CDH18: variants seen among roughly 807,000 people sequenced by gnomAD.
CDH18 encodes cadherin 18, also known as cadherin-18.
In CDH18, 31 loss-of-function variants were observed where a neutral mutation model predicts 67.9. The observed-to-expected ratio is 0.46, with a 90% CI of 0.34 to 0.62. The LOEUF is 0.62. Among genes scored for constraint, CDH18 ranks in the 20% least tolerant of loss-of-function variants. The probability of loss-of-function intolerance (pLI) is 0.01; values close to 1 mark genes in which losing one functional copy is unlikely to be tolerated. For synonymous variants in CDH18, 362 were observed against 347.2 expected (o/e 1.04, Z -0.48); for missense variants, 890 against 975.5 (o/e 0.91, Z 1.17).
chr5:19,763,276 G>T (rs1160169880), intron 3 of CDH18, among the ~76,000 whole-genome samples: 1 of 152,340 alleles, frequency 6.6e-6, no homozygotes, highest in East Asian at 1.9e-4. Context: ...GCAGTGAATA[G>T]AAGATTGTTA....
intron 1 of CDH18, among the ~76,000 whole-genome samples, chr5:20,455,709 AT>A (rs2150214192): frequency 6.6e-6 from 1 of 152,196 alleles, no homozygotes; most frequent in South Asian, 2.1e-4. Flanking sequence ...TAACTTTTTT[AT>A]ATTTATGATA....
intron 6 of CDH18, among the ~76,000 whole-genome samples, chr5:19,602,635 T>C (rs1747324341): frequency 6.6e-6 from 1 of 152,092 alleles, no homozygotes; most frequent in South Asian, 2.1e-4. Context: ...TGAAATGGTA[T>C]AGCCATTGTG....
At chr5:19,534,488 A>C (rs1197647156) in intron 9 of CDH18, among the ~76,000 whole-genome samples, 1 of 152,176 alleles carries the variant, frequency 6.6e-6, no homozygotes, top group East Asian at 1.9e-4. Context: ...GACGTTAAAA[A>C]ATTCAGAAGA....
rs559413629 is a variant in CDH18, at chr5:19,936,017, T to C, written c.-257+45043A>G. ...ACATATAGGAAGTTCTGCATAATCA[T>C]AGTGATGAAAACTCATGTTTAAAAA... On this transcript the variant is annotated intron_variant, in intron 2 of 12. Coordinates refer to ENST00000382275, the MANE Select transcript of CDH18 (RefSeq NM_004934.5). Among the ~76,000 whole-genome samples the C allele has an allele frequency of 7.3e-5, 11 of 151,296 alleles. No individual in the cohort carries two copies. The South Asian group carries it at 1.5e-3, about 20-fold the overall frequency.
chr5:20,168,404 C>T (rs1261740197), intron 2 of CDH18, among the ~76,000 whole-genome samples: 3 of 151,848 alleles, frequency 2.0e-5, no homozygotes, highest in African/African-American at 7.2e-5. Flanking sequence ...AATGTATACT[C>T]ATAGATTAAT....
At chr5:20,155,186 T>C (rs368771873) in intron 2 of CDH18, among the ~76,000 whole-genome samples, 1 of 152,182 alleles carries the variant, frequency 6.6e-6, no homozygotes. Context: ...AATGACAACT[T>C]TAATGTAAAC....
intron 6 of CDH18, among the ~76,000 whole-genome samples, chr5:19,599,486 C>A (rs1746707919): frequency 6.6e-6 from 1 of 152,100 alleles, no homozygotes; most frequent in Admixed American, 6.5e-5. Flanking sequence ...GCCCAGTACA[C>A]TTACAGTATA....
intron 1 of CDH18, among the ~76,000 whole-genome samples, chr5:19,984,882 T>G (rs1322368167): frequency 6.6e-6 from 1 of 152,114 alleles, no homozygotes; most frequent in East Asian, 1.9e-4. Context: ...CTGTTCTCAT[T>G]TTACTTCTGG....
chr5:20,493,964 C>A (rs1430155152), intron 1 of CDH18, among the ~76,000 whole-genome samples: 2 of 151,488 alleles, frequency 1.3e-5, no homozygotes, highest in Non-Finnish European at 2.9e-5. Flanking sequence ...AAAAAACCAG[C>A]CTTGTGCAGT....
chr5:20,122,810 G>GTATATATATA (rs138170795), intron 2 of CDH18, among the ~76,000 whole-genome samples: 39 of 142,418 alleles, frequency 2.7e-4, no homozygotes, highest in African/African-American at 8.9e-4. Context: ...TGAATACAAA[G>GTATATATATA]TATATATATA....
chr5:20,339,798 C>T (rs1212553628), intron 1 of CDH18, among the ~76,000 whole-genome samples: 1 of 152,130 alleles, frequency 6.6e-6, no homozygotes, highest in Non-Finnish European at 1.5e-5. Context: ...AGAAGCTTTC[C>T]AGAACTTAAC....
intron 3 of CDH18, among the ~76,000 whole-genome samples, chr5:19,762,650 G>A (rs1483534810): frequency 1.3e-5 from 2 of 152,050 alleles, no homozygotes; most frequent in Admixed American, 6.6e-5. Context: ...ACTGTCGGTG[G>A]GAGTGTAAAC....
At chr5:19,654,012 C>A (rs1013702530) in intron 5 of CDH18, among the ~76,000 whole-genome samples, 1 of 152,110 alleles carries the variant, frequency 6.6e-6, no homozygotes, top group African/African-American at 2.4e-5. Context: ...AGAGCTGAGT[C>A]ATTTATTTTG....
At chr5:19,694,552 T>C (rs945479532) in intron 5 of CDH18, among the ~76,000 whole-genome samples, 4 of 152,132 alleles carry the variant, frequency 2.6e-5, no homozygotes, top group Non-Finnish European at 5.9e-5. Context: ...TAACAGATAT[T>C]TAATATTTTT....
intron 4 of CDH18, among the ~76,000 whole-genome samples, chr5:19,741,236 TAC>T (rs1190022111): frequency 4.0e-4 from 29 of 72,906 alleles, no homozygotes; most frequent in East Asian, 1.8e-3. Context: ...TGTATATATG[TAC>T]ATATATGTAT....
intron 2 of CDH18, among the ~76,000 whole-genome samples, chr5:20,007,801 C>G (rs1282224521): frequency 6.6e-6 from 1 of 150,660 alleles, no homozygotes; most frequent in Non-Finnish European, 1.5e-5. Context: ...TAAGAAAAAT[C>G]AAAATAAGAC....
At chr5:20,007,321 T>C (rs923831352) in intron 2 of CDH18, among the ~76,000 whole-genome samples, 1 of 151,950 alleles carries the variant, frequency 6.6e-6, no homozygotes, top group Non-Finnish European at 1.5e-5. Flanking sequence ...AAGATGCTGA[T>C]CTGACACGTA....
chr5:20,056,473 C>CTTTTTTTTTTTTTT (rs1561754004), intron 2 of CDH18, among the ~76,000 whole-genome samples: 3 of 13,560 alleles, frequency 2.2e-4, no homozygotes, highest in Non-Finnish European at 4.9e-4. Flanking sequence ...TATTTTCTTT[C>CTTTTTTTTTTTTTT]TTTTGTTTTT....
chr5:19,916,210 C>T (rs750780257), intron 2 of CDH18, among the ~76,000 whole-genome samples: 16 of 152,118 alleles, frequency 1.1e-4, no homozygotes, highest in Non-Finnish European at 2.9e-5. Context: ...TATGCCAGCC[C>T]ATAGAGCACT....
Sources: allele counts gnomAD v4.1 joint callset (sites outside exome capture counted in the v4.1 genomes callset), GRCh38; gene constraint gnomAD v4.1.1; transcripts MANE v1.5; gene names NCBI Gene and HGNC (gene_info 2026-07-23, HGNC 2026-07-21).